PRLR: variants seen among roughly 807,000 people sequenced by gnomAD.
The protein encoded by PRLR is prolactin receptor, also known as hPRL receptor.
Under a neutral mutation model 40.2 loss-of-function variants are expected in PRLR, and 13 were observed. The observed-to-expected ratio is 0.32, with a 90% CI of 0.21 to 0.51. The LOEUF (loss-of-function observed/expected upper bound fraction) is 0.51. Ranked by LOEUF, PRLR falls within the 20% of genes least tolerant of loss-of-function variation. PRLR has a pLI of 0.97. For missense variants in PRLR, 656 were observed against 747.3 expected (o/e 0.88, Z 1.42); for synonymous variants, 269 against 278.7 (o/e 0.97, Z 0.35).
intron 1 of PRLR, among the ~76,000 whole-genome samples, chr5:35,165,507 A>G (rs1774797694): frequency 6.6e-6 from 1 of 152,208 alleles, no homozygotes; most frequent in South Asian, 2.1e-4. Flanking sequence ...AGAACCACCT[A>G]TTTCATTTGA....
chr5:35,066,189 C>T, intron 9 of PRLR, 87 bp from the exon 10 acceptor site: 1 of 1,301,678 alleles, frequency 7.7e-7, no homozygotes, highest in South Asian at 1.5e-5. Flanking sequence ...CTGTTCATTG[C>T]CACAAGCAGG....
chr5:35,190,169 A>T (rs2111557213), intron 1 of PRLR, among the ~76,000 whole-genome samples: 1 of 152,300 alleles, frequency 6.6e-6, no homozygotes, highest in South Asian at 2.1e-4. Flanking sequence ...AGCCCCAGCA[A>T]ACCAGTACAG....
At chr5:35,156,429 A>G (rs1457659559) in intron 1 of PRLR, among the ~76,000 whole-genome samples, 1 of 152,208 alleles carries the variant, frequency 6.6e-6, no homozygotes, top group African/African-American at 2.4e-5. Context: ...GTTAAATCAT[A>G]CACTTTTCTG....
intron 1 of PRLR, among the ~76,000 whole-genome samples, chr5:35,154,224 T>C (rs1388113317): frequency 6.6e-6 from 1 of 152,116 alleles, no homozygotes; most frequent in Admixed American, 6.5e-5. Context: ...GAGGCAAAGG[T>C]ATCTGACTTC....
chr5:35,190,115 A>C (rs1775560960), intron 1 of PRLR, among the ~76,000 whole-genome samples: 2 of 152,098 alleles, frequency 1.3e-5, no homozygotes, highest in Admixed American at 6.5e-5. Flanking sequence ...GAGACAACAC[A>C]TTTCTGTTGT....
intron 1 of PRLR, among the ~76,000 whole-genome samples, chr5:35,226,528 G>T (rs1776557385): frequency 6.6e-6 from 1 of 152,130 alleles, no homozygotes; most frequent in Non-Finnish European, 1.5e-5. Context: ...ACTTCTAAAG[G>T]GCCCATCTTC....
At chr5:35,068,476 G>C (rs1440326218) in intron 8 of PRLR, among the ~76,000 whole-genome samples, 191 bp from the exon 9 acceptor site, 1 of 152,058 alleles carries the variant, frequency 6.6e-6, no homozygotes, top group Admixed American at 6.6e-5. Flanking sequence ...AATTAAGGAG[G>C]CTGATTTTGA....
chr5:35,181,181 T>G (rs1304169788), intron 1 of PRLR, among the ~76,000 whole-genome samples: 2 of 152,374 alleles, frequency 1.3e-5, no homozygotes, highest in East Asian at 3.9e-4. Context: ...AGCTAACCTC[T>G]GCTGACTTTA....
chr5:35,114,107 G>T (rs376081038), intron 2 of PRLR, among the ~76,000 whole-genome samples: 1 of 152,160 alleles, frequency 6.6e-6, no homozygotes. Context: ...CTTGGAGTTG[G>T]ATGTGAACTG....
At chr5:35,163,818 T>C (rs1774744024) in intron 1 of PRLR, among the ~76,000 whole-genome samples, 2 of 152,250 alleles carry the variant, frequency 1.3e-5, no homozygotes, top group Admixed American at 6.5e-5. Context: ...GAGAAGTTCA[T>C]TTATTCATGC....
At chr5:35,126,806 G>T (rs567022861) in intron 1 of PRLR, among the ~76,000 whole-genome samples, 1 of 152,298 alleles carries the variant, frequency 6.6e-6, no homozygotes, top group African/African-American at 2.4e-5. Flanking sequence ...AGCTAACATT[G>T]ATTGGACATC....
rs1385489432 is a variant in PRLR at position 35,065,072 on chromosome 5, T to C, written c.*17A>G. 1.9e-6 allele frequency: 3 copies of C among 1,597,230 alleles called. No individual in the cohort carries two copies. Among genetic ancestry groups the C allele is most frequent in the East Asian group, 2.2e-5 (1 of 44,652 alleles). On this transcript the variant is annotated 3_prime_UTR_variant, in exon 10 of 10. Transcript: ENST00000618457. ...AGAAAAATCACATTTTAACCAATCA[T>C]TCCATTAGTCAAGCTATCAGTGAAA... is the stretch of plus-strand genomic sequence containing the variant.
chr5:35,097,465 C>T (rs1680389005), intron 2 of PRLR, among the ~76,000 whole-genome samples: 1 of 152,124 alleles, frequency 6.6e-6, no homozygotes, highest in Non-Finnish European at 1.5e-5. Flanking sequence ...CAAGGTCACA[C>T]AGCTAGTGAG....
chr5:35,065,197 T>C lies in PRLR; in HGVS notation c.1761A>G (p.Gln587=). The change falls in exon 10 of 10, where the codon CAA becomes CAG. Residue 587 remains glutamine, a synonymous_variant. Coordinates refer to ENST00000618457, the MANE Select transcript of PRLR (RefSeq NM_000949.7). ...TGAAGTTGGCCAGGGCTTTCTCAGCTTGATTCTGTTCAAGTGATGGTGGGG... is the reference window on the plus strand; with the variant it reads ...TGAAGTTGGCCAGGGCTTTCTCAGCCTGATTCTGTTCAAGTGATGGTGGGG... The part of the protein sequence containing the change: ...KEAPPSLEQN[Q]AEKALANFTA... 1 of 1,614,196 alleles carries C rather than the reference T, an allele frequency of 6.2e-7. No individual in the cohort carries two copies. Among genetic ancestry groups the C allele is most frequent in the Non-Finnish European group, 8.5e-7 (1 of 1,180,032 alleles).
At chr5:35,139,575 T>G (rs1158582150) in intron 1 of PRLR, among the ~76,000 whole-genome samples, 1 of 152,148 alleles carries the variant, frequency 6.6e-6, no homozygotes, top group African/African-American at 2.4e-5. Flanking sequence ...AAATAGGGAT[T>G]TTCCTAGAAG....
At chr5:35,173,762 G>T (rs1775063678) in intron 1 of PRLR, among the ~76,000 whole-genome samples, 1 of 152,150 alleles carries the variant, frequency 6.6e-6, no homozygotes, top group Non-Finnish European at 1.5e-5. Context: ...GAATGTGAAA[G>T]AAATAAATTA....
chr5:35,212,199 T>C (rs546474532), intron 1 of PRLR, among the ~76,000 whole-genome samples: 42 of 152,352 alleles, frequency 2.8e-4, no homozygotes, highest in Admixed American at 1.4e-3. Flanking sequence ...CTGATAATCA[T>C]GTAGAGTCTG....
chr5:35,086,573 G>T (rs1770865357), intron 3 of PRLR, among the ~76,000 whole-genome samples: 1 of 152,080 alleles, frequency 6.6e-6, no homozygotes, highest in Non-Finnish European at 1.5e-5. Flanking sequence ...GTGTGTGTGT[G>T]TGTGTGTGTG....
At chr5:35,066,567 C>T (rs1190993623) in intron 9 of PRLR, among the ~76,000 whole-genome samples, 1 of 151,752 alleles carries the variant, frequency 6.6e-6, no homozygotes, top group Non-Finnish European at 1.5e-5. Flanking sequence ...TCTCTCCTTC[C>T]TCTTCTTATT....
Sources: gnomAD v4.1 joint callset for allele counts (sites outside exome capture counted in the v4.1 genomes callset) on GRCh38, gnomAD v4.1.1 for gene constraint, MANE v1.5 for transcripts, NCBI Gene and HGNC (gene_info 2026-07-23, HGNC 2026-07-21) for gene names.